KIF14: variants seen among roughly 807,000 people sequenced by gnomAD.
The protein encoded by KIF14 is kinesin-like protein KIF14.
KIF14 carries 98 observed loss-of-function variants against 176.2 expected under a neutral mutation model. That is an observed-to-expected ratio of 0.56 (90% CI 0.47 to 0.66). KIF14 has a LOEUF of 0.66. Among genes scored for constraint, KIF14 ranks in the 30% least tolerant of loss-of-function variants. The probability of loss-of-function intolerance (pLI) is 0.00; values close to 1 mark genes in which losing one functional copy is unlikely to be tolerated. For missense variants in KIF14, 1,751 were observed against 1,920.4 expected, an observed-to-expected ratio of 0.91 and a Z score of 1.65; for synonymous variants, 566 against 632.2, an observed-to-expected ratio of 0.90 and a Z score of 1.57.
At chr1:200,573,512 C>A (rs932417890) in intron 22 of KIF14, among the ~76,000 whole-genome samples, 7 of 145,734 alleles carry the variant, frequency 4.8e-5, no homozygotes, top group African/African-American at 1.8e-4. Flanking sequence ...CGGCTCACTG[C>A]AAGCTCCTCC....
At chr1:200,593,878 A>T (rs909860853) in intron 14 of KIF14, 109 bp from the exon 15 acceptor site, 1 of 612,134 alleles carries the variant, frequency 1.6e-6, no homozygotes, top group African/African-American at 1.9e-5. Context: ...GTTAAGATTC[A>T]TACCAATATG....
intron 28 of KIF14, among the ~76,000 whole-genome samples, chr1:200,555,018 G>T (rs1656758000): frequency 6.6e-6 from 1 of 151,908 alleles, no homozygotes; most frequent in African/African-American, 2.4e-5. Flanking sequence ...CTCTTTACCT[G>T]TGACATGGGA....
chr1:200,586,786 C>CATATATATATATATATATATAT (rs1241334191), intron 18 of KIF14, among the ~76,000 whole-genome samples: 3 of 85,264 alleles, frequency 3.5e-5, no homozygotes. Flanking sequence ...TATATATATA[C>CATATATATATATATATATATAT]ATACATATAT....
At chr1:200,589,522 A>AAATATCACTAGTCAAAATT (rs75982554) in intron 17 of KIF14, among the ~76,000 whole-genome samples, 153 bp from the exon 18 acceptor site, 19 of 151,742 alleles carry the variant, frequency 1.3e-4, no homozygotes, top group South Asian at 1.2e-3. Context: ...AACTAAAAAT[A>AAATATCACTAGTCAAAATT]CTTAAGAGTA....
At position 200,598,203 on chromosome 1, in the gene KIF14, G is replaced by A. The variant is rs201593566; in HGVS notation, c.2549+34C>T. 1.6e-4 allele frequency: 251 copies of A among 1,566,042 alleles called. 2 individuals are homozygous for A. In the Admixed American group the frequency reaches 4.3e-3, roughly 27 times the overall value. On this transcript the variant is annotated intron_variant, in intron 14 of 29. Transcript: ENST00000367350. ...CACATGTTATCAAGATATAGAACAG[G>A]TGCCTTTTCTTTTTTTTTAGAGGAT...
At position 200,602,066 on chromosome 1, in the gene KIF14, AGCCT is replaced by A. The variant is rs1449388859; in HGVS notation, c.1980-2_1981del. ...ATTTCCACCCAGACTTTCTTTTAAC[AGCCT>A]ACAAGAAAAAAAGTCATAAGACTTT... is the stretch of plus-strand genomic sequence containing the variant. On this transcript the variant is annotated splice_acceptor_variant and coding_sequence_variant, in exon 11 of 30. Coordinates refer to ENST00000367350, the MANE Select transcript of KIF14 (RefSeq NM_014875.3). LOFTEE classifies it high-confidence loss of function. 3.1e-6 allele frequency: 5 copies of A among 1,608,904 alleles called. No individual in the cohort carries two copies. The highest frequency in any genetic ancestry group is 1.3e-5 in the African/African-American group (1 of 74,744).
At chr1:200,558,942 A>G (rs1441840325) in intron 27 of KIF14, among the ~76,000 whole-genome samples, 1 of 152,232 alleles carries the variant, frequency 6.6e-6, no homozygotes, top group Non-Finnish European at 1.5e-5. Context: ...AAAAATATTT[A>G]GTTCAAGATA....
intron 9 of KIF14, 134 bp downstream of exon 9, chr1:200,603,705 A>G (rs1445687177): frequency 8.6e-6 from 5 of 582,836 alleles, no homozygotes; most frequent in Non-Finnish European, 1.5e-5. Flanking sequence ...CTCTTTTTCA[A>G]CCACAGCAAT....
chr1:200,586,025 C>T (rs977768819), intron 19 of KIF14, 76 bp downstream of exon 19: 35 of 1,048,478 alleles, frequency 3.3e-5, no homozygotes, highest in Non-Finnish European at 4.3e-5. Context: ...GCAACTAATG[C>T]TAATATTTTA....
chr1:200,589,193 TA>T, intron 18 of KIF14, 23 bp downstream of exon 18: 1 of 1,572,750 alleles, frequency 6.4e-7, no homozygotes, highest in Non-Finnish European at 8.6e-7. Flanking sequence ...AGAATAGAGT[TA>T]ACTGGTTACA....
chr1:200,604,333 G>A (rs1382887099), intron 8 of KIF14, among the ~76,000 whole-genome samples: 1 of 152,126 alleles, frequency 6.6e-6, no homozygotes, highest in Non-Finnish European at 1.5e-5. Context: ...CTCCTAAAGT[G>A]CTGGGATTAC....
chr1:200,618,569 G>A lies in KIF14; in HGVS notation c.155C>T (p.Pro52Leu), dbSNP rs201770638. The A allele has an allele frequency of 8.7e-6, 14 of 1,613,966 alleles. No homozygotes were observed. The Admixed American group carries it at 2.2e-4, about 25-fold the overall frequency. ...SDMSECENDD[P>L]LLRSAGKVRD... ...GACTTTACCTGCAGATCTCAATAAT[G>A]GATCATCATTTTCACATTCTGACAT... Residue 52 changes from proline to leucine, a missense_variant, in exon 2 of 30, where the codon CCA becomes CTA. By Grantham distance (98) the Pro-to-Leu change is moderately conservative. Coordinates refer to ENST00000367350, the MANE Select transcript of KIF14 (RefSeq NM_014875.3).
Position 200,580,366 on chromosome 1 carries a change from T to G in KIF14, c.3353A>C (p.Lys1118Thr), listed in dbSNP as rs759855177. 42 of 1,510,962 alleles carry G rather than the reference T, an allele frequency of 2.8e-5. No individual in the cohort carries two copies. The highest frequency in any genetic ancestry group is 3.5e-5 in the Non-Finnish European group (39 of 1,123,846). 93.6% of individuals were successfully genotyped at this position (1,510,962 alleles called of 1,614,324 possible). A position where few individuals can be genotyped will look rare whatever the true frequency, so the allele number is the denominator to read the frequency against. Residue 1118 changes from lysine to threonine, a missense_variant, in exon 21 of 30, where the codon AAA becomes ACA. By Grantham distance (78) the Lys-to-Thr change is moderately conservative (BLOSUM62 -1). Coordinates refer to ENST00000367350, the MANE Select transcript of KIF14 (RefSeq NM_014875.3). The part of the protein sequence containing the change: ...YVFGRHDISD[K>T]SSSDTSIRVR... ...CCGAATAGAAGTGTCAGAACTACTT[T>G]TATCTGATATATCATGTCTGAAAGA...
intron 18 of KIF14, 78 bp from the exon 19 acceptor site, chr1:200,586,305 G>T: frequency 8.0e-7 from 1 of 1,257,040 alleles, no homozygotes; most frequent in Non-Finnish European, 1.1e-6. Flanking sequence ...TTGAGATGAT[G>T]GATATGTTAA....
rs1399163827 is a variant in KIF14, at chr1:200,608,831, G to A, written c.1553C>T (p.Pro518Leu). ...AATAATAAATTGTTTTAATCTTACT[G>A]GTTGCTTTCTCTGCCCATTTTCATC... ...CKDENGQRKQPLRVREHPVYG... is the reference protein window; with the variant it reads ...CKDENGQRKQLLRVREHPVYG... The change falls in exon 5 of 30, where the codon CCA (proline) becomes CTA (leucine). Residue 518 changes from proline (P) to leucine (L), a missense_variant and splice_region_variant. Coordinates refer to ENST00000367350, the MANE Select transcript of KIF14 (RefSeq NM_014875.3). The A allele has an allele frequency of 1.3e-6, 2 of 1,551,766 alleles. No individual in the cohort carries two copies. The highest frequency in any genetic ancestry group is 1.7e-5 in the Admixed American group (1 of 59,674).
intron 26 of KIF14, among the ~76,000 whole-genome samples, chr1:200,560,004 C>T (rs561214189): frequency 6.6e-6 from 1 of 152,312 alleles, no homozygotes; most frequent in African/African-American, 2.4e-5. Flanking sequence ...ATCCACCAGC[C>T]TTGGCCTCCC....
At chr1:200,620,154 T>C (rs1660612223) in intron 1 of KIF14, among the ~76,000 whole-genome samples, 2 of 152,192 alleles carry the variant, frequency 1.3e-5, no homozygotes, top group African/African-American at 4.8e-5. Flanking sequence ...CCCATCAACG[T>C]TTCAACTCAA....
Position 200,618,812 on chromosome 1 carries a change from T to C in KIF14, c.-89A>G, listed in dbSNP as rs778083961. The C allele has an allele frequency of 3.7e-6, 4 of 1,094,998 alleles. No homozygotes were observed. The highest frequency in any genetic ancestry group is 5.2e-6 in the Non-Finnish European group (4 of 770,718). 67.8% of individuals were successfully genotyped at this position (1,094,998 alleles called of 1,614,324 possible). A position where few individuals can be genotyped will look rare whatever the true frequency, so the allele number is the denominator to read the frequency against. On this transcript the variant is annotated 5_prime_UTR_variant, in exon 2 of 30. In the 5' UTR this introduces an upstream ATG that the reference lacks. Transcript: ENST00000367350. ...ATTTGATTTCCAGCCATTTCTTATG[T>C]ATCCATTTCTGAAAGTATCTGCTAA... is the stretch of plus-strand genomic sequence containing the variant.
chr1:200,619,486 G>A (rs1032625398), intron 1 of KIF14, among the ~76,000 whole-genome samples: 7 of 152,120 alleles, frequency 4.6e-5, no homozygotes, highest in Non-Finnish European at 7.4e-5. Context: ...CCAAGTAGCT[G>A]GGACTACAGG....
Sources: allele counts gnomAD v4.1 joint callset (sites outside exome capture counted in the v4.1 genomes callset), GRCh38; gene constraint gnomAD v4.1.1; transcripts MANE v1.5; gene names NCBI Gene and HGNC (gene_info 2026-07-23, HGNC 2026-07-21).